NDUFAF6: variants seen among roughly 807,000 people sequenced by gnomAD.
NDUFAF6 encodes the protein NADH:ubiquinone oxidoreductase complex assembly factor 6.
NDUFAF6 carries 45 observed loss-of-function variants against 40.8 expected under a neutral mutation model. The observed-to-expected ratio is 1.10, with a 90% confidence interval of 0.87 to 1.42. NDUFAF6 has a LOEUF of 1.42. NDUFAF6 is among the 40% of genes most tolerant of loss of function. NDUFAF6 has a pLI of 0.00. For synonymous variants in NDUFAF6, 185 were observed against 155.9 expected (o/e 1.19, Z -1.39); for missense variants, 435 against 418.5 (o/e 1.04, Z -0.34).
At chr8:95,117,086 A>G (rs1039387259), downstream of NDUFAF6, among the ~76,000 whole-genome samples, 4 of 152,218 alleles carry the variant, frequency 2.6e-5, no homozygotes, top group Non-Finnish European at 5.9e-5. Context: ...TGGTGGCTGT[A>G]TCCAGGAGCA....
chr8:95,044,035 A>G (rs772140398), intron 4 of NDUFAF6, among the ~76,000 whole-genome samples: 1 of 152,266 alleles, frequency 6.6e-6, no homozygotes, highest in Non-Finnish European at 1.5e-5. Context: ...TATCCATACA[A>G]TGGAATATTA....
chr8:94,921,018 A>G (rs186586243), intron 1 of NDUFAF6, among the ~76,000 whole-genome samples: 2 of 152,330 alleles, frequency 1.3e-5, no homozygotes, highest in Non-Finnish European at 2.9e-5. Flanking sequence ...AAAAGCTCTT[A>G]AAGTCCTCTA....
At chr8:94,986,450 G>A (rs1563771938) in intron 2 of NDUFAF6, among the ~76,000 whole-genome samples, 1 of 152,186 alleles carries the variant, frequency 6.6e-6, no homozygotes, top group Non-Finnish European at 1.5e-5. Flanking sequence ...GCTTCCTGGA[G>A]AGAAAATTGT....
upstream of NDUFAF6, among the ~76,000 whole-genome samples, chr8:95,021,078 A>AT (rs1827674372): frequency 6.6e-6 from 1 of 152,154 alleles, no homozygotes. Context: ...GAATCACACC[A>AT]TTTTTGTTGG....
chr8:95,089,812 A>T (rs1809189771), intron 2 of NDUFAF6, among the ~76,000 whole-genome samples: 1 of 152,108 alleles, frequency 6.6e-6, no homozygotes, highest in Non-Finnish European at 1.5e-5. Context: ...ACTTTATCTT[A>T]TGTGCTTTTT....
At chr8:95,013,977 G>A (rs1827334487) in intron 2 of NDUFAF6, among the ~76,000 whole-genome samples, 2 of 152,182 alleles carry the variant, frequency 1.3e-5, no homozygotes, top group Non-Finnish European at 2.9e-5. Context: ...TAAAGAAAAA[G>A]GCAGAGATCA....
intron 2 of NDUFAF6, among the ~76,000 whole-genome samples, chr8:94,982,481 A>G (rs1325546110): frequency 1.3e-5 from 2 of 152,210 alleles, no homozygotes; most frequent in Non-Finnish European, 2.9e-5. Context: ...ACATGTCCTC[A>G]TCTTTAAGTG....
chr8:94,903,470 A>G (rs918552567), intron 1 of NDUFAF6, among the ~76,000 whole-genome samples: 5 of 152,358 alleles, frequency 3.3e-5, no homozygotes, highest in African/African-American at 1.2e-4. Flanking sequence ...AAACAAAAGC[A>G]AATTATAGGT....
At chr8:94,900,581 A>T (rs1247887834) in intron 1 of NDUFAF6, among the ~76,000 whole-genome samples, 3 of 152,130 alleles carry the variant, frequency 2.0e-5, no homozygotes, top group Non-Finnish European at 4.4e-5. Context: ...AGGAGAGAGA[A>T]CAGAAAAGTC....
At chr8:94,932,888 G>A (rs1820564287) in intron 1 of NDUFAF6, among the ~76,000 whole-genome samples, 1 of 152,126 alleles carries the variant, frequency 6.6e-6, no homozygotes, top group Non-Finnish European at 1.5e-5. Flanking sequence ...TAATTTACAG[G>A]AGTTTCCTGT....
Position 95,057,815 on chromosome 8 carries a change from C to T in NDUFAF6, c.880C>T (p.Leu294=). Residue 294 remains leucine, a synonymous_variant, in exon 9 of 9, where the codon CTA becomes TTA. Transcript: ENST00000396124. ...AFPAFLQTVS[L]EDFLKKIQRV... ...ACTATTCTCTTTTTTCCAGGTTTCT[C>T]TAGAGGACTTTCTAAAGAAAATTCA... 1 of 1,608,978 alleles carries T rather than the reference C, an allele frequency of 6.2e-7. No individual in the cohort carries two copies. The highest frequency in any genetic ancestry group is 8.5e-7 in the Non-Finnish European group (1 of 1,177,496).
At chr8:94,920,864 T>C (rs1435720888) in intron 1 of NDUFAF6, among the ~76,000 whole-genome samples, 1 of 152,318 alleles carries the variant, frequency 6.6e-6, no homozygotes, top group South Asian at 2.1e-4. Flanking sequence ...AAGCCTTTAA[T>C]TCCCATCCCT....
intron 1 of NDUFAF6, chr8:94,940,275 G>A: frequency 6.5e-7 from 1 of 1,529,352 alleles, no homozygotes; most frequent in African/African-American, 1.4e-5. Flanking sequence ...TCCCACAGGA[G>A]GATGATTATC....
upstream of NDUFAF6, among the ~76,000 whole-genome samples, chr8:94,955,638 T>G (rs1586795676): frequency 6.6e-6 from 1 of 152,194 alleles, no homozygotes; most frequent in Non-Finnish European, 1.5e-5. Context: ...CCAAATAGAT[T>G]AAAAGGAAAT....
At chr8:95,001,108 C>T (rs760463219) in intron 2 of NDUFAF6, among the ~76,000 whole-genome samples, 1 of 151,804 alleles carries the variant, frequency 6.6e-6, no homozygotes, top group Non-Finnish European at 1.5e-5. Context: ...GGAGCACCAC[C>T]ATGTGTGGCT....
At chr8:95,046,032 ATTTATTTTAT>A (rs546325431) in intron 5 of NDUFAF6, among the ~76,000 whole-genome samples, 112 of 147,812 alleles carry the variant, frequency 7.6e-4, no homozygotes, top group Non-Finnish European at 9.7e-4. Flanking sequence ...AGTAAAACAC[ATTTATTTTAT>A]TTTATTTTAT....
chr8:95,020,479 C>T (rs1054658258), upstream of NDUFAF6, among the ~76,000 whole-genome samples: 3 of 152,094 alleles, frequency 2.0e-5, no homozygotes, highest in Non-Finnish European at 2.9e-5. Flanking sequence ...TGAGAAGGTC[C>T]CCATCTGGGC....
intron 2 of NDUFAF6, among the ~76,000 whole-genome samples, chr8:94,985,828 C>T (rs2131601680): frequency 6.6e-6 from 1 of 150,774 alleles, no homozygotes; most frequent in East Asian, 1.9e-4. Context: ...GCCTCCATGC[C>T]CTGCAACAAT....
At chr8:95,089,890 G>A (rs1809192482) in intron 2 of NDUFAF6, among the ~76,000 whole-genome samples, 3 of 152,150 alleles carry the variant, frequency 2.0e-5, no homozygotes, top group Non-Finnish European at 4.4e-5. Flanking sequence ...CCCATGTGTT[G>A]TGTTTTCATA....
Sources: allele counts gnomAD v4.1 joint callset (sites outside exome capture counted in the v4.1 genomes callset), GRCh38; gene constraint gnomAD v4.1.1; transcripts MANE v1.5; gene names NCBI Gene and HGNC (gene_info 2026-07-23, HGNC 2026-07-21).